Variants in SLC12A8 observed in about 807,000 individuals in gnomAD.
SLC12A8 encodes solute carrier family 12 member 8.
A neutral mutation model predicts 75.6 loss-of-function variants in SLC12A8; 69 were observed. That is an observed-to-expected ratio of 0.91 (90% CI 0.75 to 1.11). The LOEUF (loss-of-function observed/expected upper bound fraction) is 1.11, where lower values mean the gene tolerates loss of function less well. Among genes scored for constraint, SLC12A8 ranks in the 50% most tolerant of loss-of-function variants. SLC12A8 has a pLI of 0.00. For synonymous variants in SLC12A8, 365 were observed against 372.8 expected (o/e 0.98, Z 0.24); for missense variants, 877 against 896.7 (o/e 0.98, Z 0.28).
At chr3:125,104,521 A>G (rs907652872) in intron 10 of SLC12A8, among the ~76,000 whole-genome samples, 2 of 152,066 alleles carry the variant, frequency 1.3e-5, no homozygotes, top group African/African-American at 4.8e-5. Flanking sequence ...AAAAAAAAAA[A>G]AAAGACAAGG....
At chr3:125,178,358 C>A (rs1011487247) in intron 4 of SLC12A8, among the ~76,000 whole-genome samples, 1 of 152,030 alleles carries the variant, frequency 6.6e-6, no homozygotes, top group African/African-American at 2.4e-5. Context: ...ATCTACAGAG[C>A]CTTAAAAGGA....
chr3:125,104,507 GAAAA>G (rs35777145), intron 10 of SLC12A8, among the ~76,000 whole-genome samples: 1 of 125,228 alleles, frequency 8.0e-6, no homozygotes, highest in Non-Finnish European at 1.7e-5. Context: ...GTTCAAATTA[GAAAA>G]AAAAAAAAAA....
chr3:125,130,540 T>A (rs537682605), intron 6 of SLC12A8, among the ~76,000 whole-genome samples: 9 of 151,114 alleles, frequency 6.0e-5, no homozygotes, highest in African/African-American at 1.7e-4. Flanking sequence ...TGTAGTGAGC[T>A]GAGATCACAC....
intron 8 of SLC12A8, among the ~76,000 whole-genome samples, chr3:125,114,950 T>C (rs1288848795): frequency 6.6e-6 from 1 of 152,216 alleles, no homozygotes; most frequent in Non-Finnish European, 1.5e-5. Context: ...AATACTGAGA[T>C]TGACTGTTCT....
chr3:125,095,222 A>G (rs1464400862), intron 10 of SLC12A8, among the ~76,000 whole-genome samples: 1 of 152,218 alleles, frequency 6.6e-6, no homozygotes, highest in Non-Finnish European at 1.5e-5. Flanking sequence ...AGTATCACCC[A>G]TTAGTTGGCT....
At chr3:125,130,515 C>T (rs760572300) in intron 6 of SLC12A8, among the ~76,000 whole-genome samples, 22 of 151,858 alleles carry the variant, frequency 1.4e-4, no homozygotes, top group Non-Finnish European at 2.6e-4. Flanking sequence ...TCTCTTCAAC[C>T]AGAGAGGCAG....
At chr3:125,145,029 A>C (rs1177908231) in intron 5 of SLC12A8, among the ~76,000 whole-genome samples, 1 of 152,228 alleles carries the variant, frequency 6.6e-6, no homozygotes, top group African/African-American at 2.4e-5. Flanking sequence ...CCTCCCTCAG[A>C]ATGCCATGGC....
intron 9 of SLC12A8, among the ~76,000 whole-genome samples, chr3:125,109,327 T>A (rs1939122076): frequency 6.6e-6 from 1 of 152,130 alleles, no homozygotes; most frequent in African/African-American, 2.4e-5. Context: ...CCTAAAACAT[T>A]CCCCTGAAAC....
chr3:125,090,763 T>G lies in SLC12A8; in HGVS notation c.1921+676A>C, dbSNP rs188970187. Reference sequence around the variant, plus strand: ...GCTTTGTTTTTCATTAGTGTTAGCCTGATGTATCTTTTTCCTTCCTTTTAC... The same window carrying G: ...GCTTTGTTTTTCATTAGTGTTAGCCGGATGTATCTTTTTCCTTCCTTTTAC... On this transcript the variant is annotated intron_variant, in intron 12 of 13. Coordinates refer to ENST00000469902, the MANE Select transcript of SLC12A8 (RefSeq NM_024628.6). Among the ~76,000 whole-genome samples the G allele has an allele frequency of 4.4e-3, 672 of 152,354 alleles. 3 individuals are homozygous for G. Among genetic ancestry groups the G allele is most frequent in the African/African-American group, 0.015 (629 of 41,592 alleles).
chr3:125,124,904 C>T (rs1008548175), intron 6 of SLC12A8, among the ~76,000 whole-genome samples: 8 of 152,120 alleles, frequency 5.3e-5, no homozygotes, highest in Non-Finnish European at 8.8e-5. Flanking sequence ...CGTAATAGAA[C>T]AAATACTATT....
intron 3 of SLC12A8, among the ~76,000 whole-genome samples, chr3:125,190,173 T>A (rs1934880662): frequency 6.6e-6 from 1 of 152,222 alleles, no homozygotes; most frequent in Non-Finnish European, 1.5e-5. Context: ...GTGTGAGGTT[T>A]CCATTAGAAA....
At chr3:125,170,096 A>AT (rs1321936947) in intron 5 of SLC12A8, among the ~76,000 whole-genome samples, 3 of 152,182 alleles carry the variant, frequency 2.0e-5, no homozygotes, top group Non-Finnish European at 4.4e-5. Context: ...AAAAGATTAC[A>AT]TTTTTTTGCC....
At chr3:125,159,131 CTAAT>C (rs1934109079) in intron 5 of SLC12A8, among the ~76,000 whole-genome samples, 1 of 152,136 alleles carries the variant, frequency 6.6e-6, no homozygotes, top group African/African-American at 2.4e-5. Context: ...ATAAAATTCT[CTAAT>C]TAAAAATTTT....
chr3:125,123,329 C>T (rs1933108673), intron 6 of SLC12A8, among the ~76,000 whole-genome samples: 1 of 140,198 alleles, frequency 7.1e-6, no homozygotes, highest in Admixed American at 7.6e-5. Flanking sequence ...GAGCGGATAT[C>T]ATGCCACTCA....
chr3:125,170,196 G>A (rs1278103601), intron 5 of SLC12A8, among the ~76,000 whole-genome samples: 3 of 152,188 alleles, frequency 2.0e-5, no homozygotes, highest in Admixed American at 6.5e-5. Context: ...GTTAGTGATC[G>A]TTCAGAATGC....
intron 13 of SLC12A8, among the ~76,000 whole-genome samples, chr3:125,085,138 G>T (rs1362550283): frequency 2.0e-5 from 3 of 152,192 alleles, no homozygotes; most frequent in Non-Finnish European, 4.4e-5. Flanking sequence ...GGGTTCTTGA[G>T]AACTGAATTA....
chr3:125,133,855 A>G (rs977038257), intron 6 of SLC12A8, among the ~76,000 whole-genome samples: 1 of 151,832 alleles, frequency 6.6e-6, no homozygotes, highest in Non-Finnish European at 1.5e-5. Context: ...TTATAGGCAC[A>G]AGCCACCACG....
At chr3:125,211,813 T>A (rs1404091416) in intron 1 of SLC12A8, among the ~76,000 whole-genome samples, 1 of 152,026 alleles carries the variant, frequency 6.6e-6, no homozygotes, top group Non-Finnish European at 1.5e-5. Context: ...GGTGAGTGAA[T>A]GTAGCTGCGC....
intron 2 of SLC12A8, among the ~76,000 whole-genome samples, chr3:125,207,067 G>T (rs937830812): frequency 6.6e-6 from 1 of 152,208 alleles, no homozygotes; most frequent in Admixed American, 6.5e-5. Context: ...AAGGGAAAGA[G>T]CTGGGACGCT....
Sources: gnomAD v4.1 joint callset for allele counts (sites outside exome capture counted in the v4.1 genomes callset) on GRCh38, gnomAD v4.1.1 for gene constraint, MANE v1.5 for transcripts, NCBI Gene and HGNC (gene_info 2026-07-23, HGNC 2026-07-21) for gene names.